The following ZNF331 variants were observed in gnomAD, a reference collection of about 807,000 sequenced individuals.
ZNF331 encodes C2H2-like zinc finger protein rearranged in thyroid adenomas.
A neutral mutation model predicts 7.0 loss-of-function variants in ZNF331; 2 were observed. The ratio of observed to expected loss-of-function variants is 0.29; its 90% confidence interval spans 0.12 to 0.90. The LOEUF (loss-of-function observed/expected upper bound fraction) is 0.90, where lower values mean the gene tolerates loss of function less well. Ranked by LOEUF, ZNF331 falls within the 40% of genes least tolerant of loss-of-function variation. The pLI, the probability that ZNF331 is intolerant of heterozygous loss-of-function variation, is 0.58. For synonymous variants in ZNF331, 196 were observed against 205.4 expected (o/e 0.95, Z 0.39); for missense variants, 432 against 587.7 (o/e 0.74, Z 2.74).
chr19:53,549,734 T>C (rs148394219), intron 2 of ZNF331, among the ~76,000 whole-genome samples: 2,972 of 152,116 alleles, frequency 0.02, 76 homozygotes, highest in Admixed American at 0.042. Flanking sequence ...TCTTTTCATA[T>C]TGTTTTCCAG....
At chr19:53,524,615 G>GT (rs907544891) in intron 2 of ZNF331, among the ~76,000 whole-genome samples, 23 of 151,480 alleles carry the variant, frequency 1.5e-4, no homozygotes, top group Non-Finnish European at 3.1e-4. Context: ...GGGGTTTTTT[G>GT]TTTTTTTCTT....
Position 53,573,030 on chromosome 19 carries a change from C to G in ZNF331, c.136+1300C>G. 6.6e-6 allele frequency among the ~76,000 whole-genome samples: 1 copy of G among 152,058 alleles called. No homozygotes were observed. Among genetic ancestry groups the G allele is most frequent in the East Asian group, 1.9e-4 (1 of 5,188 alleles). ...GGTCAGGAGTTAGAGACCAGCCTGG[C>G]CAACATGGTGAAACCCTGTCTCTAC... is the stretch of plus-strand genomic sequence containing the variant. On this transcript the variant is annotated intron_variant, in intron 5 of 5. Transcript: ENST00000449416. This position sits in a 1 kb window ranked among gnomAD's most constrained non-coding sequence, Gnocchi z 4.2.
chr19:53,548,035 TC>T (rs1220938954), intron 2 of ZNF331, among the ~76,000 whole-genome samples: 1 of 152,112 alleles, frequency 6.6e-6, no homozygotes, highest in Non-Finnish European at 1.5e-5. Flanking sequence ...ACCCAAGCAA[TC>T]CTCCTACCTC....
chr19:53,546,638 T>A (rs2147377796), intron 2 of ZNF331, among the ~76,000 whole-genome samples: 1 of 152,032 alleles, frequency 6.6e-6, no homozygotes, highest in Non-Finnish European at 1.5e-5. Flanking sequence ...TTAGGTGGAG[T>A]CAAACACAGA....
At chr19:53,505,446 G>T in the ZNF331 span, among the ~76,000 whole-genome samples, 22 of 152,186 alleles carry the variant, frequency 1.4e-4, no homozygotes, top group East Asian at 4.1e-3. Context: ...TGATCTGCCC[G>T]CTTGTGCCTC....
chr19:53,546,758 C>T lies in ZNF331; in HGVS notation c.-138+7476C>T, dbSNP rs147593261. 2.2e-4 allele frequency among the ~76,000 whole-genome samples: 34 copies of T among 152,212 alleles called. No homozygotes were observed. The East Asian group carries it at 5.8e-3, about 26-fold the overall frequency. On this transcript the variant is annotated intron_variant, in intron 2 of 5. Transcript: ENST00000449416. Reference sequence around the variant, plus strand: ...GTCAGTTTTGTGAGGCCTTTAAGAGCGGAGTTTGAGCTAATTTCTGTGTCA... The same window carrying T: ...GTCAGTTTTGTGAGGCCTTTAAGAGTGGAGTTTGAGCTAATTTCTGTGTCA...
chr19:53,576,627 T>C lies in ZNF331; in HGVS notation c.137-70T>C. On this transcript the variant is annotated intron_variant, in intron 5 of 5. Transcript: ENST00000449416. Reference sequence around the variant, plus strand: ...ATTTTTATTTCTATTAGACGAGTTTTTGGTTTGTGGTTAGGTTCGTTTGTA... The same window carrying C: ...ATTTTTATTTCTATTAGACGAGTTTCTGGTTTGTGGTTAGGTTCGTTTGTA... 2.2e-6 allele frequency: 3 copies of C among 1,361,206 alleles called. No individual in the cohort carries two copies. In the South Asian group the frequency reaches 4.3e-5, roughly 20 times the overall value. 84.3% of individuals were successfully genotyped at this position (1,361,206 alleles called of 1,614,324 possible).
intron 3 of ZNF331, among the ~76,000 whole-genome samples, chr19:53,564,434 C>T (rs2090060073): frequency 6.6e-6 from 1 of 151,742 alleles, no homozygotes; most frequent in Non-Finnish European, 1.5e-5. Context: ...CATGTGCCAC[C>T]ATGCCCGGCT....
intron 2 of ZNF331, among the ~76,000 whole-genome samples, chr19:53,548,071 A>G (rs1189757611): frequency 4.6e-5 from 7 of 151,904 alleles, no homozygotes; most frequent in African/African-American, 1.7e-4. Flanking sequence ...CTGGGACTAC[A>G]GGCACATGCC....
intron 4 of ZNF331, among the ~76,000 whole-genome samples, chr19:53,570,006 A>C (rs1325690263): frequency 1.3e-5 from 2 of 152,190 alleles, no homozygotes; most frequent in Admixed American, 1.3e-4. Flanking sequence ...CTGTAATCCC[A>C]GCACTTTGGG....
intron 2 of ZNF331, among the ~76,000 whole-genome samples, chr19:53,544,341 G>C (rs12983786): frequency 0.56 from 84,452 of 150,714 alleles, 24,838 homozygotes; most frequent in African/African-American, 0.75. Context: ...GTCAGGAGAT[G>C]GAGACCATCC....
chr19:53,521,001 C>G (rs7257043), upstream of ZNF331: 83,053 of 151,672 alleles, frequency 0.55, 23,459 homozygotes, highest in African/African-American at 0.7. Flanking sequence ...TCTGGTTTCG[C>G]ATTACATTTC....
chr19:53,555,735 C>T (rs2089351965), intron 2 of ZNF331, 110 bp from the exon 3 acceptor site: 1 of 152,122 alleles, frequency 6.6e-6, no homozygotes, highest in African/African-American at 2.4e-5. Context: ...TCTCAGTTAC[C>T]ACAGCGTGCT....
At chr19:53,566,362 G>A (rs2090156022) in intron 3 of ZNF331, among the ~76,000 whole-genome samples, 1 of 151,996 alleles carries the variant, frequency 6.6e-6, no homozygotes, top group Non-Finnish European at 1.5e-5. Context: ...GCATGATCTC[G>A]GCTCGCTGCA....
upstream of ZNF331, chr19:53,537,297 T>G (rs1395239019): frequency 6.6e-6 from 1 of 152,244 alleles, no homozygotes; most frequent in East Asian, 1.9e-4. Flanking sequence ...GGGGCATAAC[T>G]GCTACCTGTA....
rs1430605016 is a variant in ZNF331 at position 53,577,217 on chromosome 19, C to T, written c.657C>T (p.Asp219=). ...HTGEKPYECK[D]CGKAFRRGDE... is the part of the protein sequence containing the mutation. ...GTGAAAAACCCTATGAATGTAAAGA[C>T]TGTGGAAAGGCCTTTCGGCGTGGTG... The change falls in exon 6 of 6, where the codon GAC becomes GAT. Residue 219 remains aspartate (D), a synonymous_variant. Coordinates refer to ENST00000449416, the MANE Select transcript of ZNF331 (RefSeq NM_001079906.2). 6.2e-7 allele frequency: 1 copy of T among 1,612,754 alleles called. No homozygotes were observed. Among genetic ancestry groups the T allele is most frequent in the South Asian group, 1.1e-5 (1 of 91,006 alleles).
intron 5 of ZNF331, among the ~76,000 whole-genome samples, chr19:53,572,090 G>C (rs536343856): frequency 1.3e-5 from 2 of 152,250 alleles, no homozygotes; most frequent in Non-Finnish European, 2.9e-5. Context: ...CCCACGTCTA[G>C]GGAAAACATG....
Position 53,577,907 on chromosome 19 carries a change from C to A in ZNF331, c.1347C>A (p.Asn449Lys). 6.2e-7 allele frequency: 1 copy of A among 1,613,640 alleles called. No homozygotes were observed. Among genetic ancestry groups the A allele is most frequent in the Non-Finnish European group, 8.5e-7 (1 of 1,179,926 alleles). ...YECKECGKAC[N>K]HLNHLREHQR... is the part of the protein sequence containing the mutation. ...GTAAGGAGTGCGGGAAGGCATGTAACCACCTAAACCATCTCCGAGAACATC... is the reference window on the plus strand; with the variant it reads ...GTAAGGAGTGCGGGAAGGCATGTAAACACCTAAACCATCTCCGAGAACATC... Residue 449 changes from asparagine (N) to lysine (K), a missense_variant, in exon 6 of 6, where the codon AAC becomes AAA. Physicochemically the swap from Asn to Lys is moderately conservative, Grantham distance 94. Coordinates refer to ENST00000449416, the MANE Select transcript of ZNF331 (RefSeq NM_001079906.2).
chr19:53,518,610 G>C (rs916525686), upstream of ZNF331, among the ~76,000 whole-genome samples: 1 of 152,186 alleles, frequency 6.6e-6, no homozygotes, highest in African/African-American at 2.4e-5. Flanking sequence ...TCACAAGTCA[G>C]TCAATATTGC....
Sources: allele counts gnomAD v4.1 joint callset (sites outside exome capture counted in the v4.1 genomes callset), GRCh38; gene constraint gnomAD v4.1.1; non-coding constraint Gnocchi (gnomAD v3.1); transcripts MANE v1.5; gene names NCBI Gene and HGNC (gene_info 2026-07-23, HGNC 2026-07-21).